TMEM131L: variants seen among roughly 807,000 people sequenced by gnomAD.
TMEM131L encodes the protein transmembrane 131 like, also known as transmembrane protein 131-like.
In TMEM131L, 54 loss-of-function variants were observed where a neutral mutation model predicts 192.2. That is an observed-to-expected ratio of 0.28 (90% CI 0.23 to 0.35). The LOEUF (loss-of-function observed/expected upper bound fraction) is 0.35. Among genes scored for constraint, TMEM131L ranks in the 10% least tolerant of loss-of-function variants. TMEM131L has a pLI of 1.00. For missense variants in TMEM131L, 1,888 were observed against 1,972.9 expected (o/e 0.96, Z 0.82); for synonymous variants, 701 against 704.9 (o/e 0.99, Z 0.09).
chr4:153,578,606 T>C (rs1730124695), intron 7 of TMEM131L, among the ~76,000 whole-genome samples: 1 of 151,222 alleles, frequency 6.6e-6, no homozygotes, highest in African/African-American at 2.4e-5. Context: ...CTGCAAGCTC[T>C]GCCTCTCAGG....
chr4:153,586,715 A>G (rs1042836301), intron 14 of TMEM131L, among the ~76,000 whole-genome samples: 3 of 152,198 alleles, frequency 2.0e-5, no homozygotes, highest in Non-Finnish European at 4.4e-5. Flanking sequence ...CTTTTAGTAC[A>G]TACTTGCAAT....
intron 4 of TMEM131L, among the ~76,000 whole-genome samples, chr4:153,552,415 A>T (rs752425888): frequency 6.6e-6 from 1 of 152,150 alleles, no homozygotes; most frequent in African/African-American, 2.4e-5. Context: ...ACATGGGGGT[A>T]TGTTTACAGT....
intron 3 of TMEM131L, 116 bp from the exon 4 acceptor site, chr4:153,549,957 C>A: frequency 4.4e-6 from 2 of 458,864 alleles, no homozygotes; most frequent in South Asian, 5.1e-5. Flanking sequence ...CATTTAAAAT[C>A]TATGAGGGAG....
At chr4:153,569,914 A>C (rs1729470307) in intron 7 of TMEM131L, among the ~76,000 whole-genome samples, 1 of 152,248 alleles carries the variant, frequency 6.6e-6, no homozygotes, top group East Asian at 1.9e-4. Context: ...CCAACGGGAC[A>C]TGAAAGTTCA....
At position 153,594,022 on chromosome 4, in the gene TMEM131L, T is replaced by C. The variant is rs149246799; in HGVS notation, c.1995+151T>C. 2.1e-3 allele frequency: 1,286 copies of C among 615,590 alleles called. 13 individuals carry two copies. In the African/African-American group the frequency reaches 0.021, roughly 10 times the overall value. 38.1% of individuals were successfully genotyped at this position (615,590 alleles called of 1,614,324 possible). A position where few individuals can be genotyped will look rare whatever the true frequency, so the allele number is the denominator to read the frequency against. ...CTGGGCATTAACGATACATAGCAGATTTTTCCAGTTAACTAGTGCGGTAGG... is the reference window on the plus strand; with the variant it reads ...CTGGGCATTAACGATACATAGCAGACTTTTCCAGTTAACTAGTGCGGTAGG... On this transcript the variant is annotated intron_variant, in intron 19 of 34. Transcript: ENST00000409959.
chr4:153,521,611 G>A lies in TMEM131L; in HGVS notation c.240-28462G>A, dbSNP rs145048487. Among the ~76,000 whole-genome samples the A allele has an allele frequency of 3.8e-3, 572 of 152,128 alleles. 1 individual carries two copies. Among genetic ancestry groups the A allele is most frequent in the Middle Eastern group, 0.01 (3 of 294 alleles). ...ATACCCATGTTACAGAGCAACTATC[G>A]CCACCATCCGTCTCCAGAAATCTTT... On this transcript the variant is annotated intron_variant, in intron 3 of 34. Transcript: ENST00000409959.
chr4:153,557,285 C>T (rs1054984672), intron 6 of TMEM131L, among the ~76,000 whole-genome samples: 2 of 152,198 alleles, frequency 1.3e-5, no homozygotes, highest in Non-Finnish European at 2.9e-5. Context: ...CTACTGATGA[C>T]GGAGCTATAG....
intron 3 of TMEM131L, among the ~76,000 whole-genome samples, chr4:153,523,282 T>G (rs1735243859): frequency 6.6e-6 from 1 of 152,214 alleles, no homozygotes; most frequent in African/African-American, 2.4e-5. Flanking sequence ...TGGAAGTATT[T>G]GTGAAACGTA....
intron 3 of TMEM131L, among the ~76,000 whole-genome samples, chr4:153,535,343 A>C (rs1372882817): frequency 6.6e-6 from 1 of 152,162 alleles, no homozygotes; most frequent in Non-Finnish European, 1.5e-5. Context: ...ATTCCAGAGC[A>C]CATGTGGATG....
At chr4:153,532,602 G>A (rs1250999447) in intron 3 of TMEM131L, among the ~76,000 whole-genome samples, 2 of 151,700 alleles carry the variant, frequency 1.3e-5, no homozygotes, top group Admixed American at 6.6e-5. Flanking sequence ...AAAATAACCT[G>A]TTGGTTCTTT....
intron 3 of TMEM131L, among the ~76,000 whole-genome samples, chr4:153,486,720 A>T (rs151185352): frequency 5.6e-4 from 85 of 152,284 alleles, no homozygotes; most frequent in African/African-American, 1.9e-3. Context: ...TCCCCAGCAG[A>T]CTTCCCCTTC....
rs989615123 is a variant in TMEM131L at position 153,604,117 on chromosome 4, T to C, written c.3105T>C (p.Tyr1035=). The change falls in exon 25 of 35, where the codon TAT becomes TAC. Residue 1035 remains tyrosine (Y), a synonymous_variant. Coordinates refer to ENST00000409959, the MANE Select transcript of TMEM131L (RefSeq NM_001131007.2). The stretch of plus-strand genomic sequence containing the variant: ...GTGAGAACTGGATCAGCCTCAGATA[T>C]GCAAGTGGCATAAATGTCAACCTGC... ...AMRENWISLR[Y]ASGINVNLQK... is the part of the protein sequence containing the mutation. 5 of 1,614,182 alleles carry C rather than the reference T, an allele frequency of 3.1e-6. No individual in the cohort carries two copies. Among genetic ancestry groups the C allele is most frequent in the Non-Finnish European group, 8.5e-7 (1 of 1,180,022 alleles).
chr4:153,628,802 G>GT (rs1165019973), intron 31 of TMEM131L, among the ~76,000 whole-genome samples: 1 of 152,172 alleles, frequency 6.6e-6, no homozygotes, highest in African/African-American at 2.4e-5. Flanking sequence ...AGCATGTGCC[G>GT]TTCTGCTTTG....
intron 6 of TMEM131L, among the ~76,000 whole-genome samples, chr4:153,557,908 TG>T (rs1728586400): frequency 6.6e-6 from 1 of 152,200 alleles, no homozygotes; most frequent in Non-Finnish European, 1.5e-5. Context: ...GCGATTCTCC[TG>T]CCTCAGCCTC....
In TMEM131L at chr4:153,602,248, A is replaced by G; in HGVS notation, c.2363A>G (p.Asn788Ser). The G allele has an allele frequency of 6.2e-7, 1 of 1,613,734 alleles. No individual in the cohort carries two copies. Among genetic ancestry groups the G allele is most frequent in the Non-Finnish European group, 8.5e-7 (1 of 1,179,888 alleles). ...ATAACTGTTTCGTCTCTGAAAATTA[A>G]TGGGTATAACTGCCAAGGTTATGGA... ...LPITVSSLKI[N>S]GYNCQGYGFE... The change falls in exon 22 of 35, where the codon AAT (asparagine) becomes AGT (serine). Residue 788 changes from asparagine (N) to serine (S), a missense_variant. Physicochemically the swap from Asn to Ser is conservative, Grantham distance 46 (BLOSUM62 1). Coordinates refer to ENST00000409959, the MANE Select transcript of TMEM131L (RefSeq NM_001131007.2).
chr4:153,588,904 A>C lies in TMEM131L; in HGVS notation c.1567A>C (p.Asn523His). 1 of 1,575,182 alleles carries C rather than the reference A, an allele frequency of 6.3e-7. No homozygotes were observed. The highest frequency in any genetic ancestry group is 8.7e-7 in the Non-Finnish European group (1 of 1,144,688). The change falls in exon 16 of 35, where the codon AAT (asparagine) becomes CAT (histidine). Residue 523 changes from asparagine (N) to histidine (H), a missense_variant. Transcript: ENST00000409959. ...GKSKAGNPNWNGSLSLDQSTW... is the reference protein window; with the variant it reads ...GKSKAGNPNWHGSLSLDQSTW... ...CTAACTTTTAGGAAATCCTAATTGGAATGGGAGCCTTTCTCTGGATCAATC... is the reference window on the plus strand; with the variant it reads ...CTAACTTTTAGGAAATCCTAATTGGCATGGGAGCCTTTCTCTGGATCAATC...
chr4:153,541,803 C>G (rs934319346), intron 3 of TMEM131L, among the ~76,000 whole-genome samples: 4 of 152,244 alleles, frequency 2.6e-5, no homozygotes, highest in African/African-American at 4.8e-5. Context: ...GAGCCACAGC[C>G]AAAAATATTC....
intron 31 of TMEM131L, chr4:153,632,224 A>C (rs2126901504): frequency 6.3e-6 from 1 of 158,444 alleles, no homozygotes; most frequent in Admixed American, 6.3e-5. Context: ...GAGGCATGAG[A>C]ATCACTTGAA....
At chr4:153,585,033 C>G in intron 12 of TMEM131L, 102 bp downstream of exon 12, 1 of 928,302 alleles carries the variant, frequency 1.1e-6, no homozygotes, top group Non-Finnish European at 1.7e-6. Flanking sequence ...GTGTGATTCT[C>G]TCTCTCACTG....
Sources: allele counts gnomAD v4.1 joint callset (sites outside exome capture counted in the v4.1 genomes callset), GRCh38; gene constraint gnomAD v4.1.1; transcripts MANE v1.5; gene names NCBI Gene and HGNC (gene_info 2026-07-23, HGNC 2026-07-21).